Variants in SLC28A3 observed in about 807,000 individuals in gnomAD.
The protein encoded by SLC28A3 is solute carrier family 28 member 3, also known as concentrative Na(+)-nucleoside cotransporter 3.
In SLC28A3, 68 loss-of-function variants were observed where a neutral mutation model predicts 84.2. The ratio of observed to expected loss-of-function variants is 0.81; its 90% CI spans 0.66 to 0.99. The LOEUF (loss-of-function observed/expected upper bound fraction) is 0.99. Ranked by LOEUF, SLC28A3 falls within the 50% of genes least tolerant of loss-of-function variation. The pLI, the probability that SLC28A3 is intolerant of heterozygous loss-of-function variation, is 0.00. For synonymous variants in SLC28A3, 267 were observed against 303.6 expected (o/e 0.88, Z 1.25); for missense variants, 712 against 841.5 (o/e 0.85, Z 1.90).
At chr9:84,340,151 G>C (rs892365054) in intron 1 of SLC28A3, among the ~76,000 whole-genome samples, 1 of 152,100 alleles carries the variant, frequency 6.6e-6, no homozygotes, top group Non-Finnish European at 1.5e-5. Context: ...AGCTGCTCTG[G>C]GGCAGGTACC....
Position 84,305,453 on chromosome 9 carries a change from CAT to C in SLC28A3, c.243-110_243-109del, listed in dbSNP as rs374268752. 264 of 864,362 alleles carry C rather than the reference CAT, an allele frequency of 3.1e-4. No individual in the cohort carries two copies. The African/African-American group carries it at 4.0e-3, about 13-fold the overall frequency. 53.5% of individuals were successfully genotyped at this position (864,362 alleles called of 1,614,324 possible). A position where few individuals can be genotyped will look rare whatever the true frequency, so the allele number is the denominator to read the frequency against. Reference sequence around the variant, plus strand: ...TGTAAACTAAGAAGGCAAACAAACACATGTGTGAGGCGTATGTCTTACAAAAT... The same window carrying C: ...TGTAAACTAAGAAGGCAAACAAACACGTGTGAGGCGTATGTCTTACAAAAT... On this transcript the variant is annotated intron_variant, in intron 3 of 17. Coordinates refer to ENST00000376238, the MANE Select transcript of SLC28A3 (RefSeq NM_001199633.2).
the SLC28A3 span, among the ~76,000 whole-genome samples, chr9:84,361,345 A>C: frequency 1.3e-5 from 2 of 152,244 alleles, no homozygotes; most frequent in Non-Finnish European, 2.9e-5. Flanking sequence ...CTCCGTCTCA[A>C]AAAAAGGTTA....
At chr9:84,361,710 C>A in the SLC28A3 span, among the ~76,000 whole-genome samples, 2 of 151,272 alleles carry the variant, frequency 1.3e-5, no homozygotes, top group African/African-American at 4.9e-5. Flanking sequence ...AGATTCCCCC[C>A]AAAAGAGGCA....
intron 3 of SLC28A3, among the ~76,000 whole-genome samples, chr9:84,307,437 A>AAAAAAAAAAAAAAAAAAAAC (rs1554726619): frequency 9.0e-6 from 1 of 111,008 alleles, no homozygotes; most frequent in East Asian, 2.4e-4. Context: ...TCTCAAAAAA[A>AAAAAAAAAAAAAAAAAAAAC]AAAAAAAACA....
chr9:84,313,015 C>T (rs10746739), intron 2 of SLC28A3, among the ~76,000 whole-genome samples: 56,520 of 151,970 alleles, frequency 0.37, 11,397 homozygotes, highest in East Asian at 0.61. Context: ...GACCCAGATT[C>T]AGAACCATAG....
At chr9:84,311,336 G>A (rs1167767291) in intron 2 of SLC28A3, among the ~76,000 whole-genome samples, 1 of 152,074 alleles carries the variant, frequency 6.6e-6, no homozygotes, top group African/African-American at 2.4e-5. Context: ...TGAAACTATA[G>A]AGATTTTTCA....
chr9:84,278,813 CACTTGT>C (rs1371941866), intron 17 of SLC28A3, among the ~76,000 whole-genome samples: 1 of 150,986 alleles, frequency 6.6e-6, no homozygotes, highest in Non-Finnish European at 1.5e-5. Flanking sequence ...TTTTGTATCT[CACTTGT>C]ACTTGTGCTA....
At chr9:84,326,530 G>A (rs762614135) in intron 1 of SLC28A3, among the ~76,000 whole-genome samples, 2 of 152,100 alleles carry the variant, frequency 1.3e-5, no homozygotes, top group East Asian at 1.9e-4. Flanking sequence ...GTTGCCTTGT[G>A]AGCCAATTAA....
the SLC28A3 span, among the ~76,000 whole-genome samples, chr9:84,365,249 G>A: frequency 1.1e-4 from 17 of 152,178 alleles, no homozygotes; most frequent in East Asian, 3.1e-3. Context: ...TGTAATCTTG[G>A]TTTGCATTTC....
intron 10 of SLC28A3, among the ~76,000 whole-genome samples, chr9:84,291,879 A>G (rs910562967): frequency 2.6e-5 from 4 of 152,134 alleles, no homozygotes; most frequent in African/African-American, 9.7e-5. Flanking sequence ...GGGGCTTATT[A>G]CAATTTCTTA....
intron 10 of SLC28A3, 158 bp downstream of exon 10, chr9:84,292,498 TCTCTCTCTCTTC>T: frequency 1.9e-6 from 1 of 520,802 alleles, no homozygotes; most frequent in Non-Finnish European, 3.4e-6. Context: ...TCTCTCTCTG[TCTCTCTCTCTTC>T]TCCCCCTGGA....
chr9:84,315,384 C>G (rs1364316734), intron 1 of SLC28A3, among the ~76,000 whole-genome samples: 2 of 152,150 alleles, frequency 1.3e-5, no homozygotes. Context: ...GGGGTTCTTG[C>G]GGATCCTTAC....
intron 14 of SLC28A3, among the ~76,000 whole-genome samples, chr9:84,281,777 T>C (rs1039921785): frequency 6.6e-6 from 1 of 152,218 alleles, no homozygotes; most frequent in Non-Finnish European, 1.5e-5. Flanking sequence ...AAATGCTGCT[T>C]TGCAATAAAA....
intron 3 of SLC28A3, among the ~76,000 whole-genome samples, chr9:84,306,281 G>A (rs775078948): frequency 6.0e-4 from 92 of 152,086 alleles, no homozygotes; most frequent in Non-Finnish European, 1.0e-3. Flanking sequence ...CAAACTCCAG[G>A]ACCTCAAAGG....
chr9:84,337,434 G>T (rs1430297204), intron 1 of SLC28A3, among the ~76,000 whole-genome samples: 1 of 151,928 alleles, frequency 6.6e-6, no homozygotes, highest in East Asian at 1.9e-4. Flanking sequence ...ATGCTAGCCT[G>T]TGTGTGTGCG....
chr9:84,322,143 A>G (rs534543643), intron 1 of SLC28A3, among the ~76,000 whole-genome samples: 2 of 152,390 alleles, frequency 1.3e-5, no homozygotes, highest in South Asian at 2.1e-4. Flanking sequence ...CTGTGAAGCA[A>G]TTTGGTCAGA....
the SLC28A3 span, among the ~76,000 whole-genome samples, chr9:84,362,699 G>A: frequency 1.3e-5 from 2 of 151,682 alleles, no homozygotes; most frequent in African/African-American, 4.8e-5. Context: ...AGGACTGATT[G>A]TCATTTAAAT....
At chr9:84,367,759 C>T in the SLC28A3 span, among the ~76,000 whole-genome samples, 3 of 152,150 alleles carry the variant, frequency 2.0e-5, no homozygotes, top group South Asian at 2.1e-4. Context: ...GTACTGTGCC[C>T]GGATGTGCAC....
the SLC28A3 span, among the ~76,000 whole-genome samples, chr9:84,364,470 G>A: frequency 8.5e-5 from 13 of 152,218 alleles, no homozygotes; most frequent in East Asian, 2.5e-3. Context: ...TGATCCTCCT[G>A]CCTTCACCTC....
Sources: gnomAD v4.1 joint callset for allele counts (sites outside exome capture counted in the v4.1 genomes callset) on GRCh38, gnomAD v4.1.1 for gene constraint, MANE v1.5 for transcripts, NCBI Gene and HGNC (gene_info 2026-07-23, HGNC 2026-07-21) for gene names.